The following GTF2IRD1 variants were observed in gnomAD, a reference collection of about 807,000 sequenced individuals.
GTF2IRD1 encodes the protein GTF2I repeat domain containing 1.
In GTF2IRD1, 26 loss-of-function variants were observed where a neutral mutation model predicts 113.2. That is an observed-to-expected ratio of 0.23 (90% confidence interval 0.17 to 0.32). GTF2IRD1 has a LOEUF of 0.32. GTF2IRD1 is among the 10% of genes least tolerant of loss of function. The pLI is 1.00. For synonymous variants in GTF2IRD1, 484 were observed against 529.1 expected, an observed-to-expected ratio of 0.91 and a Z score of 1.17; for missense variants, 864 against 1,280.8, an observed-to-expected ratio of 0.67 and a Z score of 4.97.
chr7:74,464,336 GT>G (rs1395106647), intron 1 of GTF2IRD1, among the ~76,000 whole-genome samples: 1 of 152,216 alleles, frequency 6.6e-6, no homozygotes, highest in Non-Finnish European at 1.5e-5. Flanking sequence ...AAATCCATGA[GT>G]TTCCCAGGGC....
intron 2 of GTF2IRD1, among the ~76,000 whole-genome samples, chr7:74,511,481 TTAATAGTC>T (rs1796624418): frequency 1.3e-5 from 2 of 152,264 alleles, no homozygotes; most frequent in African/African-American, 4.8e-5. Context: ...TTATTTTTTG[TTAATAGTC>T]TACAGTGTTC....
At position 74,480,893 on chromosome 7, in the gene GTF2IRD1, G is replaced by A. The variant is rs868988112; in HGVS notation, c.-7+26717G>A. 1.3e-5 allele frequency among the ~76,000 whole-genome samples: 2 copies of A among 152,132 alleles called. 1 individual carries two copies. The highest frequency in any genetic ancestry group is 4.1e-4 in the South Asian group (2 of 4,828). On this transcript the variant is annotated intron_variant, in intron 1 of 26. Coordinates refer to ENST00000424337, the MANE Select transcript of GTF2IRD1 (RefSeq NM_005685.4). Reference sequence around the variant, plus strand: ...CCTTTTCCTAAATCCCGTCCTCCACGTGGAGGAAGGACGCCCTACCTTCCA... The same window carrying A: ...CCTTTTCCTAAATCCCGTCCTCCACATGGAGGAAGGACGCCCTACCTTCCA...
chr7:74,499,293 G>T (rs1477141909), intron 1 of GTF2IRD1, among the ~76,000 whole-genome samples: 2 of 152,180 alleles, frequency 1.3e-5, no homozygotes, highest in Non-Finnish European at 2.9e-5. Flanking sequence ...CCAATGGCCC[G>T]GCGGAGGTGT....
rs782003951 is a variant in GTF2IRD1, at chr7:74,524,084, C to T, written c.1020C>T (p.Ala340=). 6.2e-6 allele frequency: 10 copies of T among 1,612,012 alleles called. No individual in the cohort carries two copies. The highest frequency in any genetic ancestry group is 1.1e-5 in the South Asian group (1 of 90,752). The change falls in exon 8 of 27, where the codon GCC becomes GCT. Residue 340 remains alanine (A), a synonymous_variant. Transcript: ENST00000424337. ...IVHDKSEKWD[A]FIKETEDINT... ...GTGTTTTGATAGAGAAGTGGGACGC[C>T]TTCATAAAGGAAACCGAGGACATCA...
intron 1 of GTF2IRD1, among the ~76,000 whole-genome samples, chr7:74,474,873 G>T (rs1210124477): frequency 6.6e-6 from 1 of 152,194 alleles, no homozygotes; most frequent in Non-Finnish European, 1.5e-5. Flanking sequence ...AACACTTTGG[G>T]AGGTTGAGGC....
At chr7:74,513,530 C>G (rs1197688238) in intron 3 of GTF2IRD1, among the ~76,000 whole-genome samples, 1 of 152,186 alleles carries the variant, frequency 6.6e-6, no homozygotes, top group Admixed American at 6.5e-5. Context: ...GTCTCGAACT[C>G]CTGACCTCAG....
intron 1 of GTF2IRD1, among the ~76,000 whole-genome samples, chr7:74,499,703 T>G (rs1795921666): frequency 6.6e-6 from 1 of 151,392 alleles, no homozygotes. Context: ...CATGAATGAA[T>G]GCATACACAC....
Position 74,538,250 on chromosome 7 carries a change from A to G in GTF2IRD1, c.1447+77A>G, listed in dbSNP as rs587650858. ...CCAGCCCTACCCGGCAGCCTTGGGG[A>G]GGAGCTCAACTCAGCCCATGAGCCT... On this transcript the variant is annotated intron_variant, in intron 12 of 26. Coordinates refer to ENST00000424337, the MANE Select transcript of GTF2IRD1 (RefSeq NM_005685.4). 2.5e-4 allele frequency: 360 copies of G among 1,445,792 alleles called. 4 individuals carry two copies. The Admixed American group carries it at 5.5e-3, about 22-fold the overall frequency. 89.6% of individuals were successfully genotyped at this position (1,445,792 alleles called of 1,614,324 possible).
chr7:74,528,916 T>TGGAC lies in GTF2IRD1; in HGVS notation c.1091-815_1091-814insCGGA, dbSNP rs1467687416. On this transcript the variant is annotated intron_variant, in intron 8 of 26. Transcript: ENST00000424337. ...ATGGATGGATGGATGGATGGATGGA[T>TGGAC]GGATGGACGGACAACCGGGTGGATG... 4.7e-4 allele frequency among the ~76,000 whole-genome samples: 55 copies of TGGAC among 117,248 alleles called. No homozygotes were observed. In the South Asian group the frequency reaches 6.2e-3, roughly 13 times the overall value. The allele number at this position is 117,248 out of a possible 152,430, so 76.9% of individuals were successfully genotyped here. A position where few individuals can be genotyped will look rare whatever the true frequency, so the allele number is the denominator to read the frequency against.
chr7:74,574,101 A>G (rs1425763573), intron 22 of GTF2IRD1, among the ~76,000 whole-genome samples: 5 of 150,684 alleles, frequency 3.3e-5, no homozygotes, highest in African/African-American at 1.2e-4. Flanking sequence ...CTCCTGCCTT[A>G]GCCTCCTGAG....
In GTF2IRD1 at chr7:74,541,911, A is replaced by AATAGATAGATAGATAGATAG. The variant is rs58094935; in HGVS notation, c.1618+1955_1618+1974dup. ...GCGAAGCTCTGCCTCAAAATAACTA[A>AATAGATAGATAGATAGATAG]ATAGATAGATAGATAGATAGATAGA... On this transcript the variant is annotated intron_variant, in intron 14 of 26. Transcript: ENST00000424337. Among the ~76,000 whole-genome samples the AATAGATAGATAGATAGATAG allele has an allele frequency of 4.5e-3, 680 of 150,140 alleles. 2 individuals are homozygous for AATAGATAGATAGATAGATAG. Among genetic ancestry groups the AATAGATAGATAGATAGATAG allele is most frequent in the Non-Finnish European group, 5.7e-3 (383 of 67,620 alleles).
At chr7:74,566,037 A>ACC (rs1554360624) in intron 22 of GTF2IRD1, among the ~76,000 whole-genome samples, 6 of 150,908 alleles carry the variant, frequency 4.0e-5, no homozygotes, top group African/African-American at 1.2e-4. Flanking sequence ...ACACACACAC[A>ACC]CCCTAAAGAG....
chr7:74,551,236 G>A (rs1217572476), intron 17 of GTF2IRD1, among the ~76,000 whole-genome samples: 5 of 152,114 alleles, frequency 3.3e-5, no homozygotes, highest in South Asian at 4.1e-4. Context: ...CGAGCTCCTC[G>A]GGTGGCTGAG....
At chr7:74,490,542 A>ACCC (rs66883639) in intron 1 of GTF2IRD1, among the ~76,000 whole-genome samples, 10 of 129,838 alleles carry the variant, frequency 7.7e-5, no homozygotes, top group Admixed American at 1.6e-4. Context: ...GAGAAAGGAT[A>ACCC]CCCCCCCCCC....
intron 1 of GTF2IRD1, among the ~76,000 whole-genome samples, chr7:74,490,985 G>A (rs1212628955): frequency 3.9e-5 from 6 of 152,032 alleles, no homozygotes; most frequent in African/African-American, 1.5e-4. Context: ...GCTGTAACAC[G>A]GGCCACACAG....
intron 9 of GTF2IRD1, among the ~76,000 whole-genome samples, chr7:74,532,296 G>A (rs183857253): frequency 4.6e-5 from 7 of 152,286 alleles, no homozygotes; most frequent in African/African-American, 1.7e-4. Context: ...GCTTACACTT[G>A]TAATCCTAGC....
intron 1 of GTF2IRD1, among the ~76,000 whole-genome samples, chr7:74,481,884 C>T (rs781877311): frequency 6.6e-6 from 1 of 152,254 alleles, no homozygotes; most frequent in Non-Finnish European, 1.5e-5. Flanking sequence ...CACAGCGTCA[C>T]CAAATCGCTT....
At position 74,598,625 on chromosome 7, in the gene GTF2IRD1, C is replaced by T. The variant is rs587647671; in HGVS notation, c.2630-2419C>T. ...AGCCAGGCTCTGTCTCAAAAAAAAACAAAACAAAACATGGCAGAGACACAG... is the reference window on the plus strand; with the variant it reads ...AGCCAGGCTCTGTCTCAAAAAAAAATAAAACAAAACATGGCAGAGACACAG... On this transcript the variant is annotated intron_variant, in intron 25 of 26. Coordinates refer to ENST00000424337, the MANE Select transcript of GTF2IRD1 (RefSeq NM_005685.4). Among the ~76,000 whole-genome samples, 4 of 151,614 alleles carry T rather than the reference C, an allele frequency of 2.6e-5. No individual in the cohort carries two copies. The South Asian group carries it at 8.3e-4, about 32-fold the overall frequency.
chr7:74,576,249 G>C (rs919389348), intron 22 of GTF2IRD1, among the ~76,000 whole-genome samples: 3 of 151,826 alleles, frequency 2.0e-5, no homozygotes, highest in Non-Finnish European at 4.4e-5. Flanking sequence ...TCTGAAATGA[G>C]TCTTCCAAGG....
Sources: gnomAD v4.1 joint callset for allele counts (sites outside exome capture counted in the v4.1 genomes callset) on GRCh38, gnomAD v4.1.1 for gene constraint, MANE v1.5 for transcripts, NCBI Gene and HGNC (gene_info 2026-07-23, HGNC 2026-07-21) for gene names.